Variants in GRM8 observed in about 807,000 individuals in gnomAD.
The protein encoded by GRM8 is metabotropic glutamate receptor 8.
GRM8 carries 47 observed loss-of-function variants against 87.2 expected under a neutral mutation model. That is an observed-to-expected ratio of 0.54 (90% CI 0.43 to 0.69). GRM8 has a LOEUF of 0.69. GRM8 is among the 30% of genes least tolerant of loss of function. The pLI is 0.00. For synonymous variants in GRM8, 396 were observed against 404.5 expected (o/e 0.98, Z 0.25); for missense variants, 1,019 against 1,139.2 (o/e 0.89, Z 1.52).
At chr7:127,172,484 C>G (rs1264809766) in intron 2 of GRM8, among the ~76,000 whole-genome samples, 1 of 151,976 alleles carries the variant, frequency 6.6e-6, no homozygotes, top group Non-Finnish European at 1.5e-5. Context: ...GCAGGTGGAT[C>G]ATTTGAGGTC....
At chr7:126,586,531 T>C (rs1248476445) in intron 8 of GRM8, among the ~76,000 whole-genome samples, 1 of 151,898 alleles carries the variant, frequency 6.6e-6, no homozygotes, top group Non-Finnish European at 1.5e-5. Flanking sequence ...TAACCACACA[T>C]CTACAACCAT....
chr7:126,638,274 C>A (rs1382574090), intron 7 of GRM8, among the ~76,000 whole-genome samples: 2 of 152,078 alleles, frequency 1.3e-5, no homozygotes, highest in African/African-American at 4.8e-5. Flanking sequence ...CCAACTCTAT[C>A]CACAAAAAGA....
chr7:127,028,735 G>A (rs1817060007), intron 3 of GRM8, among the ~76,000 whole-genome samples: 1 of 151,584 alleles, frequency 6.6e-6, no homozygotes, highest in African/African-American at 2.4e-5. Context: ...TTTCTTATTA[G>A]TCTTGCTAGC....
In GRM8 at chr7:127,044,563, T is replaced by TA. The variant is rs796851432; in HGVS notation, c.727+61932dup. On this transcript the variant is annotated intron_variant, in intron 3 of 10. Coordinates refer to ENST00000339582, the MANE Select transcript of GRM8 (RefSeq NM_000845.3). The stretch of plus-strand genomic sequence containing the variant: ...GTACTCTTTTGAACTACCGTTTAGC[T>TA]AAAAAAAAAATCAATCACCAAGGAA... 2.1e-3 allele frequency among the ~76,000 whole-genome samples: 307 copies of TA among 149,156 alleles called. 1 individual carries two copies. Among genetic ancestry groups the TA allele is most frequent in the South Asian group, 2.6e-3 (12 of 4,702 alleles).
intron 6 of GRM8, among the ~76,000 whole-genome samples, chr7:126,810,919 C>T (rs1214863611): frequency 1.3e-5 from 2 of 152,072 alleles, no homozygotes; most frequent in African/African-American, 2.4e-5. Flanking sequence ...GTAGGCTCCT[C>T]AACCAAGAAT....
intron 8 of GRM8, among the ~76,000 whole-genome samples, chr7:126,539,610 C>T (rs138207156): frequency 1.3e-5 from 2 of 151,972 alleles, no homozygotes; most frequent in East Asian, 3.9e-4. Context: ...GTGGCATAGA[C>T]TAGAGAGTCC....
intron 3 of GRM8, among the ~76,000 whole-genome samples, chr7:126,974,375 T>C (rs1184059739): frequency 1.3e-5 from 2 of 152,184 alleles, no homozygotes; most frequent in African/African-American, 4.8e-5. Context: ...CTCCATGAGA[T>C]GATAGATATG....
At chr7:126,786,559 T>A (rs6467098) in intron 6 of GRM8, among the ~76,000 whole-genome samples, 139,368 of 152,188 alleles carry the variant, frequency 0.92, 63,881 homozygotes, top group Non-Finnish European at 0.92. Context: ...CTTCTATGTC[T>A]GCCATTCCTG....
At chr7:126,445,502 T>C (rs1442968248) in intron 10 of GRM8, 1 of 152,342 alleles carries the variant, frequency 6.6e-6, no homozygotes, top group East Asian at 1.9e-4. Context: ...AAGGTGGTTG[T>C]AGAAAAGATT....
chr7:126,903,953 C>T lies in GRM8; in HGVS notation c.1018+19G>A. 2 of 1,363,762 alleles carry T rather than the reference C, an allele frequency of 1.5e-6. No individual in the cohort carries two copies. The highest frequency in any genetic ancestry group is 2.1e-6 in the Non-Finnish European group (2 of 965,744). The allele number at this position is 1,363,762 out of a possible 1,614,324, so 84.5% of individuals were successfully genotyped here. On this transcript the variant is annotated intron_variant, in intron 5 of 10. Coordinates refer to ENST00000339582, the MANE Select transcript of GRM8 (RefSeq NM_000845.3). Reference sequence around the variant, plus strand: ...AGATCCAACTGGAATAAAACAAATTCTCTATGGTGCATTCTTACCATCAAT... The same window carrying T: ...AGATCCAACTGGAATAAAACAAATTTTCTATGGTGCATTCTTACCATCAAT...
chr7:126,791,962 T>C (rs1821387952), intron 6 of GRM8, among the ~76,000 whole-genome samples: 1 of 152,212 alleles, frequency 6.6e-6, no homozygotes, highest in Admixed American at 6.5e-5. Context: ...AGTTTGCTTC[T>C]GAAATCAGGA....
chr7:126,742,654 C>A (rs1004135576), intron 7 of GRM8, among the ~76,000 whole-genome samples: 1 of 151,832 alleles, frequency 6.6e-6, no homozygotes, highest in Non-Finnish European at 1.5e-5. Flanking sequence ...AAACCAAGTC[C>A]CCATCCAGCA....
At chr7:126,778,304 C>A (rs889429459) in intron 6 of GRM8, among the ~76,000 whole-genome samples, 7 of 152,116 alleles carry the variant, frequency 4.6e-5, no homozygotes, top group Admixed American at 4.6e-4. Flanking sequence ...TAGATCAGTT[C>A]ACAATAACAT....
At chr7:126,647,293 GGATAGATAGATAGATA>G (rs58263801) in intron 7 of GRM8, among the ~76,000 whole-genome samples, 2,449 of 143,172 alleles carry the variant, frequency 0.017, 69 homozygotes, top group African/African-American at 0.054. Flanking sequence ...ATAAATAGAT[GGATAGATAGATAGATA>G]GATAGATAGA....
intron 7 of GRM8, among the ~76,000 whole-genome samples, chr7:126,651,572 C>T (rs1047332670): frequency 6.6e-6 from 1 of 152,120 alleles, no homozygotes; most frequent in South Asian, 2.1e-4. Flanking sequence ...ATGTTCTGCT[C>T]GCCTAGAGGT....
chr7:126,455,598 T>C (rs760319023), intron 9 of GRM8, among the ~76,000 whole-genome samples: 5 of 151,762 alleles, frequency 3.3e-5, no homozygotes, highest in Non-Finnish European at 5.9e-5. Flanking sequence ...CTTCTTAAAC[T>C]TGACAAAATA....
At chr7:127,185,140 A>G (rs1227456425) in intron 2 of GRM8, among the ~76,000 whole-genome samples, 1 of 152,120 alleles carries the variant, frequency 6.6e-6, no homozygotes, top group Admixed American at 6.6e-5. Context: ...TAAGTTTTAA[A>G]CCTAGAATAA....
At chr7:127,078,884 A>G (rs1822561275) in intron 3 of GRM8, among the ~76,000 whole-genome samples, 1 of 152,246 alleles carries the variant, frequency 6.6e-6, no homozygotes, top group Non-Finnish European at 1.5e-5. Flanking sequence ...TAGAATTTCA[A>G]ATAGTAACTT....
At chr7:126,876,407 G>A (rs1401209313) in intron 6 of GRM8, among the ~76,000 whole-genome samples, 2 of 152,132 alleles carry the variant, frequency 1.3e-5, no homozygotes, top group African/African-American at 4.8e-5. Flanking sequence ...TATGAATTGA[G>A]GCAGAAGATT....
Sources: allele counts gnomAD v4.1 joint callset (sites outside exome capture counted in the v4.1 genomes callset), GRCh38; gene constraint gnomAD v4.1.1; transcripts MANE v1.5; gene names NCBI Gene and HGNC (gene_info 2026-07-23, HGNC 2026-07-21).